SDK1: variants seen among roughly 807,000 people sequenced by gnomAD.
SDK1 encodes the protein protein sidekick-1.
In SDK1, 157 loss-of-function variants were observed where a neutral mutation model predicts 245.5. The observed-to-expected ratio is 0.64, with a 90% confidence interval of 0.56 to 0.73. The LOEUF (loss-of-function observed/expected upper bound fraction) is 0.73, where lower values mean the gene tolerates loss of function less well. SDK1 is among the 30% of genes least tolerant of loss of function. The probability of loss-of-function intolerance (pLI) is 0.00; values close to 1 mark genes in which losing one functional copy is unlikely to be tolerated. For missense variants in SDK1, 3,583 were observed against 3,002.3 expected, an observed-to-expected ratio of 1.19 and a Z score of -4.52; for synonymous variants, 1,647 against 1,278.5, an observed-to-expected ratio of 1.29 and a Z score of -6.15.
chr7:3,537,057 C>T (rs560840969), intron 1 of SDK1, among the ~76,000 whole-genome samples: 1 of 152,196 alleles, frequency 6.6e-6, no homozygotes, highest in East Asian at 1.9e-4. Flanking sequence ...GTCTTTTACC[C>T]ACTGTACTTA....
intron 35 of SDK1, among the ~76,000 whole-genome samples, chr7:4,182,296 G>A (rs963428781): frequency 1.3e-5 from 2 of 152,166 alleles, no homozygotes; most frequent in Middle Eastern, 3.2e-3. Context: ...TATCCTGGGT[G>A]CTTTGTGCAC....
rs184319624 is a variant in SDK1, at chr7:3,576,410, G to C, written c.299-42670G>C. 9.9e-5 allele frequency among the ~76,000 whole-genome samples: 15 copies of C among 152,188 alleles called. No individual in the cohort carries two copies. The East Asian group carries it at 2.9e-3, about 29-fold the overall frequency. On this transcript the variant is annotated intron_variant, in intron 1 of 44. Transcript: ENST00000404826. ...TGTGTTACCTGGTTAGAGAAAGCCT[G>C]TGACTTCCTCAGGGGAGTCGCAGGT... is the stretch of plus-strand genomic sequence containing the variant.
intron 5 of SDK1, among the ~76,000 whole-genome samples, chr7:3,945,910 A>G (rs1780558504): frequency 8.2e-6 from 1 of 122,692 alleles, no homozygotes; most frequent in African/African-American, 3.7e-5. Flanking sequence ...AAAAAAAAAA[A>G]AAAAAAAAAA....
chr7:3,535,710 A>T (rs1237256417), intron 1 of SDK1, among the ~76,000 whole-genome samples: 1 of 152,198 alleles, frequency 6.6e-6, no homozygotes, highest in African/African-American at 2.4e-5. Flanking sequence ...GTGTATGTAT[A>T]TGCGTGTCTA....
intron 1 of SDK1, among the ~76,000 whole-genome samples, chr7:3,470,427 A>G (rs1781145613): frequency 1.3e-5 from 2 of 152,174 alleles, no homozygotes; most frequent in African/African-American, 4.8e-5. Flanking sequence ...AAAATTTGTA[A>G]TCAAACAATT....
chr7:3,509,871 G>C (rs1782521673), intron 1 of SDK1, among the ~76,000 whole-genome samples: 1 of 152,304 alleles, frequency 6.6e-6, no homozygotes, highest in East Asian at 1.9e-4. Flanking sequence ...GTGGTTCTCA[G>C]TTCAGACTGC....
At chr7:3,762,691 T>TAAC (rs796570166) in intron 4 of SDK1, among the ~76,000 whole-genome samples, 10 of 152,322 alleles carry the variant, frequency 6.6e-5, no homozygotes, top group African/African-American at 2.4e-4. Flanking sequence ...AGAGGGGATG[T>TAAC]AACATTCACT....
chr7:4,030,166 C>T (rs560381572), intron 17 of SDK1, among the ~76,000 whole-genome samples: 1 of 152,332 alleles, frequency 6.6e-6, no homozygotes, highest in South Asian at 2.1e-4. Context: ...CTCTGAGGAG[C>T]AGAGCCAGAG....
intron 1 of SDK1, among the ~76,000 whole-genome samples, chr7:3,320,347 A>G (rs1779772634): frequency 6.6e-6 from 1 of 152,046 alleles, no homozygotes; most frequent in Non-Finnish European, 1.5e-5. Flanking sequence ...GATAGCCACA[A>G]GTAAAATAAA....
chr7:3,561,033 A>G (rs1017872582), intron 1 of SDK1, among the ~76,000 whole-genome samples: 5 of 151,854 alleles, frequency 3.3e-5, no homozygotes, highest in African/African-American at 4.8e-5. Context: ...CTAACATACT[A>G]TATGTTTTAT....
At chr7:3,407,078 C>A (rs1779074165) in intron 1 of SDK1, among the ~76,000 whole-genome samples, 1 of 152,126 alleles carries the variant, frequency 6.6e-6, no homozygotes, top group Non-Finnish European at 1.5e-5. Flanking sequence ...TCTGTCTCTC[C>A]CTTACTAGGT....
At chr7:3,331,669 A>C (rs1376544913) in intron 1 of SDK1, among the ~76,000 whole-genome samples, 1 of 152,194 alleles carries the variant, frequency 6.6e-6, no homozygotes, top group African/African-American at 2.4e-5. Flanking sequence ...TCTGAACACA[A>C]GTCTTTAAAG....
intron 4 of SDK1, among the ~76,000 whole-genome samples, chr7:3,777,766 CCA>C (rs1184253947): frequency 6.6e-6 from 1 of 152,132 alleles, no homozygotes; most frequent in Non-Finnish European, 1.5e-5. Context: ...ACTTCCCATG[CCA>C]CACCACACTG....
intron 4 of SDK1, among the ~76,000 whole-genome samples, chr7:3,658,151 G>A (rs954839260): frequency 2.0e-5 from 3 of 152,288 alleles, no homozygotes; most frequent in Non-Finnish European, 4.4e-5. Flanking sequence ...ACTTTGGTGC[G>A]TGATGATCAC....
At chr7:3,655,475 A>ATATATATATATATATATATATG in intron 4 of SDK1, among the ~76,000 whole-genome samples, 1 of 87,794 alleles carries the variant, frequency 1.1e-5, no homozygotes, top group African/African-American at 4.3e-5. Context: ...ATATATATAT[A>ATATATATATATATATATATATG]TATATATATA....
At chr7:3,555,266 GAAAT>G (rs570430567) in intron 1 of SDK1, among the ~76,000 whole-genome samples, 283 of 152,176 alleles carry the variant, frequency 1.9e-3, no homozygotes, top group Admixed American at 3.3e-3. Context: ...TTAAAATCCA[GAAAT>G]AAATCTATAC....
At chr7:3,365,672 C>T (rs1583750190) in intron 1 of SDK1, among the ~76,000 whole-genome samples, 1 of 152,012 alleles carries the variant, frequency 6.6e-6, no homozygotes. Flanking sequence ...TTTTGAAGGG[C>T]ATAGTCCTTT....
rs540859605 is a variant in SDK1 at position 4,267,614 on chromosome 7, T to A, written c.*2230T>A. ...GCTTTCTGTGCACTCTGATGACTGCTCTCTGCAGCCATGAGGATGTGGCTT... is the reference window on the plus strand; with the variant it reads ...GCTTTCTGTGCACTCTGATGACTGCACTCTGCAGCCATGAGGATGTGGCTT... On this transcript the variant is annotated 3_prime_UTR_variant, in exon 45 of 45. Coordinates refer to ENST00000404826, the MANE Select transcript of SDK1 (RefSeq NM_152744.4). The A allele has an allele frequency of 1.5e-4, 147 of 985,464 alleles. No individual in the cohort carries two copies. The South Asian group carries it at 6.2e-3, about 42-fold the overall frequency. 61.0% of individuals were successfully genotyped at this position (985,464 alleles called of 1,614,324 possible).
chr7:3,326,440 T>G (rs906930048), intron 1 of SDK1, among the ~76,000 whole-genome samples: 1 of 152,186 alleles, frequency 6.6e-6, no homozygotes, highest in African/African-American at 2.4e-5. Context: ...CACTAGACAT[T>G]GAAGTTGTTT....
Sources: gnomAD v4.1 joint callset for allele counts (sites outside exome capture counted in the v4.1 genomes callset) on GRCh38, gnomAD v4.1.1 for gene constraint, MANE v1.5 for transcripts, NCBI Gene and HGNC (gene_info 2026-07-23, HGNC 2026-07-21) for gene names.